Variants in ITK observed in about 807,000 individuals in gnomAD.
ITK encodes the protein tyrosine-protein kinase ITK/TSK.
A neutral mutation model predicts 87.6 loss-of-function variants in ITK; 45 were observed. The ratio of observed to expected loss-of-function variants is 0.51; its 90% CI spans 0.40 to 0.66. The LOEUF (loss-of-function observed/expected upper bound fraction) is 0.66, where lower values mean the gene tolerates loss of function less well. Among genes scored for constraint, ITK ranks in the 30% least tolerant of loss-of-function variants. ITK has a pLI of 0.00. For missense variants in ITK, 605 were observed against 766.3 expected (o/e 0.79, Z 2.48); for synonymous variants, 303 against 273.6 (o/e 1.11, Z -1.06).
chr5:157,223,045 G>A (rs1309120123), intron 6 of ITK, 31 bp downstream of exon 6: 1 of 1,613,518 alleles, frequency 6.2e-7, no homozygotes, highest in South Asian at 1.1e-5. Flanking sequence ...CTGTCCCCGT[G>A]TTTGAGGTGT....
At chr5:157,227,955 C>T (rs926053179) in intron 6 of ITK, among the ~76,000 whole-genome samples, 5 of 151,474 alleles carry the variant, frequency 3.3e-5, no homozygotes, top group African/African-American at 4.9e-5. Flanking sequence ...CTCAGCCTCC[C>T]GAGTAGCTGG....
chr5:157,244,158 A>G (rs1484568329), intron 12 of ITK, 104 bp from the exon 13 acceptor site: 3 of 964,224 alleles, frequency 3.1e-6, no homozygotes, highest in East Asian at 4.9e-5. Context: ...CATCCAAACC[A>G]TAAATTAGAC....
At chr5:157,202,400 G>A (rs912748863) in intron 1 of ITK, among the ~76,000 whole-genome samples, 31 of 152,134 alleles carry the variant, frequency 2.0e-4, no homozygotes, top group African/African-American at 7.5e-4. Context: ...TTTTAGTAGA[G>A]ATGGGGTTTC....
intron 1 of ITK, among the ~76,000 whole-genome samples, chr5:157,204,398 TA>T (rs200997221): frequency 0.013 from 1,947 of 151,702 alleles, 33 homozygotes; most frequent in African/African-American, 0.044. Context: ...CCATCTCTAC[TA>T]AAATACAAAA....
intron 1 of ITK, among the ~76,000 whole-genome samples, chr5:157,198,599 G>A (rs1753898315): frequency 6.6e-6 from 1 of 152,150 alleles, no homozygotes; most frequent in Non-Finnish European, 1.5e-5. Flanking sequence ...GAAATTAATG[G>A]TCTTAGCTCC....
chr5:157,245,320 A>G (rs1755000311), intron 13 of ITK: 2 of 335,104 alleles, frequency 6.0e-6, no homozygotes, highest in Non-Finnish European at 1.2e-5. Context: ...GGGGTCAGGT[A>G]CTCTCCCTAT....
At chr5:157,233,932 C>CATATATATATATATATATATATATATAT (rs201838461) in intron 8 of ITK, among the ~76,000 whole-genome samples, 6 of 21,522 alleles carry the variant, frequency 2.8e-4, no homozygotes, top group East Asian at 1.6e-3. Context: ...CTTACTGATA[C>CATATATATATATATATATATATATATAT]ATATATATAT....
chr5:157,207,377 C>CTTGTTTTTTTTTT (rs1754101568), intron 1 of ITK, among the ~76,000 whole-genome samples: 1 of 59,126 alleles, frequency 1.7e-5, no homozygotes, highest in African/African-American at 6.3e-5. Context: ...AGATACGTCT[C>CTTGTTTTTTTTTT]TTTTTTTTTT....
At chr5:157,211,255 G>T (rs1038218484) in intron 2 of ITK, 32 bp from the exon 3 acceptor site, 1 of 1,577,844 alleles carries the variant, frequency 6.3e-7, no homozygotes, top group Non-Finnish European at 8.7e-7. Context: ...CATGCACGCT[G>T]CTCACCTTGA....
chr5:157,182,168 T>A (rs1753545937), intron 1 of ITK, among the ~76,000 whole-genome samples: 1 of 152,236 alleles, frequency 6.6e-6, no homozygotes, highest in African/African-American at 2.4e-5. Flanking sequence ...ATTAGTGGGG[T>A]AGGACAAGGA....
At chr5:157,184,053 C>T (rs1402415010) in intron 1 of ITK, among the ~76,000 whole-genome samples, 1 of 152,184 alleles carries the variant, frequency 6.6e-6, no homozygotes, top group Non-Finnish European at 1.5e-5. Flanking sequence ...GCGCCTTCAT[C>T]TTGCTGGAGC....
intron 16 of ITK, 35 bp downstream of exon 16, chr5:157,249,042 T>C: frequency 6.3e-7 from 1 of 1,599,886 alleles, no homozygotes; most frequent in Non-Finnish European, 8.6e-7. Context: ...TGCATTGTCG[T>C]ATACAATTTG....
At chr5:157,214,076 G>A (rs1754248123) in intron 3 of ITK, 115 bp from the exon 4 acceptor site, 3 of 830,872 alleles carry the variant, frequency 3.6e-6, no homozygotes, top group Admixed American at 1.7e-5. Flanking sequence ...GAGTGGTCTG[G>A]GCAATACTCA....
chr5:157,245,989 G>C lies in ITK; in HGVS notation c.1623G>C (p.Val541=). 6.2e-7 allele frequency: 1 copy of C among 1,610,388 alleles called. No individual in the cohort carries two copies. The highest frequency in any genetic ancestry group is 8.5e-7 in the Non-Finnish European group (1 of 1,176,652). Residue 541 remains valine (V), a synonymous_variant, in exon 15 of 17, where the codon GTG becomes GTC. Transcript: ENST00000422843. ...SFSRYSSKSD[V]WSFGVLMWEV... is the part of the protein sequence containing the mutation. ...GTCGCTATAGCAGCAAGTCCGATGT[G>C]TGGTCATTTGGTGAGTGTCATGCTG...
intron 1 of ITK, among the ~76,000 whole-genome samples, chr5:157,188,984 G>A (rs1753699631): frequency 1.3e-5 from 2 of 152,166 alleles, no homozygotes; most frequent in African/African-American, 4.8e-5. Context: ...CTGGTTAGTT[G>A]TAGTAGGTGA....
chr5:157,203,679 A>G (rs901197126), intron 1 of ITK, among the ~76,000 whole-genome samples: 1 of 152,198 alleles, frequency 6.6e-6, no homozygotes. Context: ...AAACAGGTTA[A>G]CCATTCCAAA....
In ITK at chr5:157,239,580, C is replaced by T. The variant is rs963526047; in HGVS notation, c.852-482C>T. Among the ~76,000 whole-genome samples the T allele has an allele frequency of 4.6e-5, 7 of 151,770 alleles. No individual in the cohort carries two copies. The East Asian group carries it at 1.2e-3, about 25-fold the overall frequency. ...TTATCAGTTAGGGAAAGAGCCCTCC[C>T]GAAATCCAAGTTCCCAAACACCAGC... On this transcript the variant is annotated intron_variant, in intron 9 of 16. Coordinates refer to ENST00000422843, the MANE Select transcript of ITK (RefSeq NM_005546.4).
At chr5:157,235,049 C>T (rs1754750156) in intron 8 of ITK, among the ~76,000 whole-genome samples, 1 of 152,146 alleles carries the variant, frequency 6.6e-6, no homozygotes, top group African/African-American at 2.4e-5. Context: ...CTTGTTCCTG[C>T]TGTACTTAGG....
chr5:157,211,386 C>T lies in ITK; in HGVS notation c.325+18C>T. On this transcript the variant is annotated intron_variant, in intron 3 of 16. Coordinates refer to ENST00000422843, the MANE Select transcript of ITK (RefSeq NM_005546.4). Reference sequence around the variant, plus strand: ...TAAAGAAGGTAATTAAACTCCTTTGCCATTGAATCACTGACACTCTTGATC... The same window carrying T: ...TAAAGAAGGTAATTAAACTCCTTTGTCATTGAATCACTGACACTCTTGATC... The T allele has an allele frequency of 6.3e-7, 1 of 1,583,810 alleles. No homozygotes were observed. Among genetic ancestry groups the T allele is most frequent in the African/African-American group, 1.3e-5 (1 of 74,340 alleles).
Sources: allele counts gnomAD v4.1 joint callset (sites outside exome capture counted in the v4.1 genomes callset), GRCh38; gene constraint gnomAD v4.1.1; transcripts MANE v1.5; gene names NCBI Gene and HGNC (gene_info 2026-07-23, HGNC 2026-07-21).